Variants in DAB1 observed in about 807,000 individuals in gnomAD.
The protein encoded by DAB1 is DAB adaptor protein 1.
DAB1 carries 15 observed loss-of-function variants against 64.6 expected under a neutral mutation model. The ratio of observed to expected loss-of-function variants is 0.23; its 90% CI spans 0.16 to 0.36. The LOEUF is 0.36. Among genes scored for constraint, DAB1 ranks in the 10% least tolerant of loss-of-function variants. DAB1 has a pLI of 1.00. For missense variants in DAB1, 596 were observed against 706.7 expected (o/e 0.84, Z 1.78); for synonymous variants, 235 against 251.9 (o/e 0.93, Z 0.64).
intron 5 of DAB1, among the ~76,000 whole-genome samples, chr1:57,905,631 G>C (rs921482025): frequency 3.3e-5 from 5 of 152,148 alleles, no homozygotes; most frequent in Non-Finnish European, 5.9e-5. Flanking sequence ...AGAAGTCTGG[G>C]CTAGAGATGT....
intron 7 of DAB1, among the ~76,000 whole-genome samples, chr1:57,520,454 A>AT (rs1400980075): frequency 6.6e-6 from 1 of 152,040 alleles, no homozygotes; most frequent in Non-Finnish European, 1.5e-5. Context: ...TTAAGGGTCA[A>AT]TTTTTTTGTT....
intron 7 of DAB1, among the ~76,000 whole-genome samples, chr1:57,553,470 A>C (rs1644947199): frequency 1.2e-5 from 1 of 86,762 alleles, no homozygotes; most frequent in Non-Finnish European, 2.4e-5. Flanking sequence ...GAGAAAGGGA[A>C]AGAAAGGAAG....
chr1:57,098,925 G>C (rs1233864316), intron 4 of DAB1, among the ~76,000 whole-genome samples: 1 of 152,148 alleles, frequency 6.6e-6, no homozygotes, highest in Middle Eastern at 3.2e-3. Context: ...ATTTTTACCA[G>C]AATAGTCAGA....
At position 58,396,074 on chromosome 1, in the gene DAB1, C is replaced by T. The variant is rs17117447; in HGVS notation, n.258-52671G>A. ...CTATGTCCTGTCTGTTACAGTGTCT[C>T]TTTCTATTCATGATATTTGTGAAGT... On this transcript the variant is annotated intron_variant and non_coding_transcript_variant, in intron 3 of 20. Transcript: ENST00000485760. Among the ~76,000 whole-genome samples the T allele has an allele frequency of 5.7e-3, 780 of 137,222 alleles. 8 individuals carry two copies. The highest frequency in any genetic ancestry group is 0.02 in the African/African-American group (743 of 36,998). The allele number at this position is 137,222 out of a possible 152,430, so 90.0% of individuals were successfully genotyped here.
chr1:57,807,211 A>G (rs1002488415), intron 6 of DAB1, among the ~76,000 whole-genome samples: 5 of 152,200 alleles, frequency 3.3e-5, no homozygotes, highest in Non-Finnish European at 7.3e-5. Flanking sequence ...CCATCTCTGT[A>G]TACTTACTTG....
At chr1:58,324,604 C>G (rs1489415914) in intron 4 of DAB1, among the ~76,000 whole-genome samples, 1 of 152,154 alleles carries the variant, frequency 6.6e-6, no homozygotes, top group Non-Finnish European at 1.5e-5. Flanking sequence ...TCTTAATATT[C>G]AATCTGGGGA....
At chr1:57,804,370 G>A (rs527405914) in intron 6 of DAB1, among the ~76,000 whole-genome samples, 70 of 152,046 alleles carry the variant, frequency 4.6e-4, no homozygotes, top group Non-Finnish European at 7.4e-4. Context: ...TGACTTGAAG[G>A]ACTCCCTTTG....
At chr1:58,031,039 C>T (rs2100479533) in intron 5 of DAB1, among the ~76,000 whole-genome samples, 1 of 152,244 alleles carries the variant, frequency 6.6e-6, no homozygotes, top group African/African-American at 2.4e-5. Context: ...AGATGTCTTC[C>T]TGGATGGAGG....
intron 4 of DAB1, among the ~76,000 whole-genome samples, chr1:57,086,904 T>A (rs934939146): frequency 2.0e-5 from 3 of 152,190 alleles, no homozygotes; most frequent in African/African-American, 2.4e-5. Context: ...TCCTTGGCTC[T>A]GCTACTTTCT....
chr1:58,174,502 A>C (rs984791339), intron 4 of DAB1, among the ~76,000 whole-genome samples: 3 of 152,138 alleles, frequency 2.0e-5, no homozygotes, highest in Non-Finnish European at 2.9e-5. Context: ...AGGACAGTAC[A>C]ACTGCAGGGC....
chr1:58,382,185 G>A (rs1391096688), intron 3 of DAB1, among the ~76,000 whole-genome samples: 2 of 152,078 alleles, frequency 1.3e-5, no homozygotes, highest in East Asian at 1.9e-4. Context: ...CCCAGGTCTG[G>A]GTACTGCTTT....
chr1:58,208,919 C>G (rs376907756), intron 4 of DAB1, among the ~76,000 whole-genome samples: 1 of 152,044 alleles, frequency 6.6e-6, no homozygotes, highest in Non-Finnish European at 1.5e-5. Context: ...CCCCCTAAAA[C>G]GACTCATTAA....
At chr1:58,365,361 G>A (rs368684969) in intron 3 of DAB1, among the ~76,000 whole-genome samples, 5 of 152,228 alleles carry the variant, frequency 3.3e-5, no homozygotes, top group African/African-American at 9.6e-5. Context: ...TTACTGCCCA[G>A]TTGTGAGGGT....
intron 9 of DAB1, among the ~76,000 whole-genome samples, chr1:57,034,652 A>G (rs1647080793): frequency 6.6e-6 from 1 of 152,256 alleles, no homozygotes; most frequent in Non-Finnish European, 1.5e-5. Context: ...ATATACATGT[A>G]TATCTTAATG....
rs755060244 is a variant in DAB1 at position 57,145,389 on chromosome 1, T to C, written c.108A>G (p.Lys36=). Residue 36 remains lysine, a synonymous_variant, in exon 3 of 15, where the codon AAA becomes AAG. Coordinates refer to ENST00000371236, the MANE Select transcript of DAB1 (RefSeq NM_001365792.1). The part of the protein sequence containing the change: ...RSEATLIKRF[K]GEGVRYKAKL... Reference sequence around the variant, plus strand: ...TGGCTTTGTACCGGACCCCTTCACCTTTAAACCTCTTTATCAAAGTGGCTT... The same window carrying C: ...TGGCTTTGTACCGGACCCCTTCACCCTTAAACCTCTTTATCAAAGTGGCTT... 1.2e-6 allele frequency: 2 copies of C among 1,613,978 alleles called. No homozygotes were observed. Among genetic ancestry groups the C allele is most frequent in the African/African-American group, 2.7e-5 (2 of 74,932 alleles).
At chr1:57,163,641 G>A (rs1471626149) in intron 2 of DAB1, among the ~76,000 whole-genome samples, 1 of 152,058 alleles carries the variant, frequency 6.6e-6, no homozygotes, top group Admixed American at 6.6e-5. Flanking sequence ...TCTGTGGAAA[G>A]GGGGAGAAGT....
chr1:58,473,084 C>T (rs1412933708), intron 3 of DAB1, among the ~76,000 whole-genome samples: 6 of 152,218 alleles, frequency 3.9e-5, no homozygotes, highest in Admixed American at 3.9e-4. Flanking sequence ...ACTGTATTGT[C>T]ATGCTTTACA....
intron 3 of DAB1, among the ~76,000 whole-genome samples, chr1:58,374,284 G>C (rs1164518875): frequency 1.6e-5 from 2 of 125,658 alleles, no homozygotes; most frequent in African/African-American, 3.0e-5. Context: ...TAATGCCTAG[G>C]TTTTCTTCTA....
chr1:58,048,645 C>G, intron 5 of DAB1: 2 of 1,245,016 alleles, frequency 1.6e-6, no homozygotes, highest in Non-Finnish European at 2.3e-6. Flanking sequence ...CCTCCACAAC[C>G]AAAGTTGTCA....
Sources: gnomAD v4.1 joint callset for allele counts (sites outside exome capture counted in the v4.1 genomes callset) on GRCh38, gnomAD v4.1.1 for gene constraint, MANE v1.5 for transcripts, NCBI Gene and HGNC (gene_info 2026-07-23, HGNC 2026-07-21) for gene names.